DCLRE1C: variants seen among roughly 807,000 people sequenced by gnomAD.
DCLRE1C encodes DNA cross-link repair 1C, also known as protein artemis.
A neutral mutation model predicts 61.4 loss-of-function variants in DCLRE1C; 47 were observed. The observed-to-expected ratio is 0.77, with a 90% CI of 0.61 to 0.98. The LOEUF (loss-of-function observed/expected upper bound fraction) is 0.98. Among genes scored for constraint, DCLRE1C ranks in the 50% least tolerant of loss-of-function variants. The pLI, the probability that DCLRE1C is intolerant of heterozygous loss-of-function variation, is 0.00. For missense variants in DCLRE1C, 858 were observed against 816.0 expected, an observed-to-expected ratio of 1.05 and a Z score of -0.63; for synonymous variants, 337 against 287.6, an observed-to-expected ratio of 1.17 and a Z score of -1.74.
chr10:14,908,407 C>G lies in DCLRE1C; in HGVS notation c.*1G>C, dbSNP rs774453393. 2 of 1,612,020 alleles carry G rather than the reference C, an allele frequency of 1.2e-6. No individual in the cohort carries two copies. Among genetic ancestry groups the G allele is most frequent in the Non-Finnish European group, 1.7e-6 (2 of 1,178,596 alleles). ...GCTCTAGGTTGAAACGCTTTGAATT[C>G]TTAGGTATCTAAGAGTGAGCATTTT... On this transcript the variant is annotated 3_prime_UTR_variant, in exon 14 of 14. Coordinates refer to ENST00000378278, the MANE Select transcript of DCLRE1C (RefSeq NM_001033855.3).
Position 14,939,791 on chromosome 10 carries a change from A to G in DCLRE1C, c.306+19T>C, listed in dbSNP as rs772940815. The G allele has an allele frequency of 3.2e-6, 5 of 1,575,932 alleles. No homozygotes were observed. Among genetic ancestry groups the G allele is most frequent in the African/African-American group, 2.7e-5 (2 of 73,932 alleles). On this transcript the variant is annotated intron_variant, in intron 4 of 13. Transcript: ENST00000378278. ...GCACCACATTTTTTTAAAAAAATCAATATTTAATATTTAGTTACCTCTCCT... is the reference window on the plus strand; with the variant it reads ...GCACCACATTTTTTTAAAAAAATCAGTATTTAATATTTAGTTACCTCTCCT...
chr10:14,952,676 T>G (rs1355998138), intron 1 of DCLRE1C, among the ~76,000 whole-genome samples: 2 of 151,766 alleles, frequency 1.3e-5, no homozygotes, highest in African/African-American at 2.4e-5. Context: ...CACACTGTAC[T>G]CCAGCCTGGG....
intron 1 of DCLRE1C, among the ~76,000 whole-genome samples, chr10:14,949,331 T>C (rs1256930400): frequency 6.6e-6 from 1 of 152,200 alleles, no homozygotes; most frequent in Non-Finnish European, 1.5e-5. Flanking sequence ...CTGTGCATCA[T>C]AGGCCAGAGT....
intron 13 of DCLRE1C, among the ~76,000 whole-genome samples, chr10:14,918,083 C>T (rs1836502226): frequency 6.6e-6 from 1 of 151,622 alleles, no homozygotes; most frequent in Non-Finnish European, 1.5e-5. Context: ...ATGGTCAAAC[C>T]ACTTTGGAAA....
At position 14,945,183 on chromosome 10, in the gene DCLRE1C, C is replaced by G. The variant is rs1300011908; in HGVS notation, c.168G>C (p.Lys56Asn). ...TCACAGGTGAACAGTATAGATAAAC[C>G]TTCAAGCTGAAAGGAAAAAAGAAAA... ...TLKRRLECSL[K>N]VYLYCSPVTK... Residue 56 changes from lysine to asparagine, a missense_variant, in exon 3 of 14, where the codon AAG becomes AAC. Transcript: ENST00000378278. 1.2e-6 allele frequency: 2 copies of G among 1,612,162 alleles called. No individual in the cohort carries two copies. Among genetic ancestry groups the G allele is most frequent in the East Asian group, 2.2e-5 (1 of 44,794 alleles).
At chr10:14,898,712 T>A (rs1341180395) in exon 14 of DCLRE1C, 1 of 152,426 alleles carries the variant, frequency 6.6e-6, no homozygotes, top group Non-Finnish European at 1.5e-5. Context: ...GTCATAAAAC[T>A]TGTGTTCTTA....
At position 14,918,629 on chromosome 10, in the gene DCLRE1C, T is replaced by TAA. The variant is rs57588352; in HGVS notation, c.1156+1107_1156+1108dup. Among the ~76,000 whole-genome samples the TAA allele has an allele frequency of 7.5e-3, 1,045 of 138,616 alleles. 8 individuals carry two copies. The highest frequency in any genetic ancestry group is 0.025 in the African/African-American group (948 of 38,212). 90.9% of individuals were successfully genotyped at this position (138,616 alleles called of 152,430 possible). On this transcript the variant is annotated intron_variant, in intron 13 of 13. Coordinates refer to ENST00000378278, the MANE Select transcript of DCLRE1C (RefSeq NM_001033855.3). ...ATTATACCTCAGGAAAGCTGTTTTTTAAAAAAAAAAAAAAAGAAAAAAACC... is the reference window on the plus strand; with the variant it reads ...ATTATACCTCAGGAAAGCTGTTTTTTAAAAAAAAAAAAAAAAAGAAAAAAACC...
At chr10:14,903,100 A>C (rs2131730720), downstream of DCLRE1C, 1 of 152,372 alleles carries the variant, frequency 6.6e-6, no homozygotes, top group Admixed American at 6.5e-5. Flanking sequence ...TTTCAGCTTC[A>C]TTTCGTATTT....
At chr10:14,937,084 T>C (rs972093043) in intron 4 of DCLRE1C, among the ~76,000 whole-genome samples, 1 of 152,098 alleles carries the variant, frequency 6.6e-6, no homozygotes, top group African/African-American at 2.4e-5. Context: ...TCATATGAAA[T>C]ATCCGGAATA....
chr10:14,940,272 T>C lies in DCLRE1C; in HGVS notation c.247-403A>G, dbSNP rs41296976. Among the ~76,000 whole-genome samples, 1,481 of 148,480 alleles carry C rather than the reference T, an allele frequency of 1.0e-2. 20 individuals carry two copies. Among genetic ancestry groups the C allele is most frequent in the African/African-American group, 0.034 (1,362 of 40,414 alleles). Reference sequence around the variant, plus strand: ...CTGGATGGGTCTGTGACATGGATGCTTCATACACGGTTCTTTTATTTTTTT... The same window carrying C: ...CTGGATGGGTCTGTGACATGGATGCCTCATACACGGTTCTTTTATTTTTTT... On this transcript the variant is annotated intron_variant, in intron 3 of 13. Transcript: ENST00000378278.
rs147354259 is a variant in DCLRE1C, at chr10:14,941,365, A to G, written c.247-1496T>C. 8.3e-3 allele frequency among the ~76,000 whole-genome samples: 1,263 copies of G among 152,016 alleles called. 11 individuals carry two copies. The highest frequency in any genetic ancestry group is 0.013 in the Admixed American group (196 of 15,246). On this transcript the variant is annotated intron_variant, in intron 3 of 13. Coordinates refer to ENST00000378278, the MANE Select transcript of DCLRE1C (RefSeq NM_001033855.3). ...AGTGGCACAGTCACGGCTCACTATAACCTCAAACTTCGGGGCTCAAGTGAT... is the reference window on the plus strand; with the variant it reads ...AGTGGCACAGTCACGGCTCACTATAGCCTCAAACTTCGGGGCTCAAGTGAT...
At chr10:14,913,252 G>A (rs1267417446) in intron 13 of DCLRE1C, among the ~76,000 whole-genome samples, 3 of 152,268 alleles carry the variant, frequency 2.0e-5, no homozygotes, top group East Asian at 1.9e-4. Flanking sequence ...GTAATGGGGA[G>A]TGACTGGAAA....
chr10:14,946,818 A>G lies in DCLRE1C; in HGVS notation c.162-1629T>C, dbSNP rs144554324. 5.5e-3 allele frequency among the ~76,000 whole-genome samples: 830 copies of G among 152,096 alleles called. 3 individuals carry two copies. Among genetic ancestry groups the G allele is most frequent in the Middle Eastern group, 0.024 (7 of 294 alleles). The stretch of plus-strand genomic sequence containing the variant: ...TTTTCTGCAGAGATGAGGTCTCCCT[A>G]CGTTGCCCAGGTTGGTTTCAAACTC... On this transcript the variant is annotated intron_variant, in intron 2 of 13. Coordinates refer to ENST00000378278, the MANE Select transcript of DCLRE1C (RefSeq NM_001033855.3).
chr10:14,899,346 A>G (rs1489849260), intron 13 of DCLRE1C: 1 of 695,112 alleles, frequency 1.4e-6, no homozygotes, highest in South Asian at 1.6e-5. Flanking sequence ...AGTCTTTTGC[A>G]TTATCATTTT....
At chr10:14,952,253 G>A (rs1842558618) in intron 1 of DCLRE1C, among the ~76,000 whole-genome samples, 1 of 152,128 alleles carries the variant, frequency 6.6e-6, no homozygotes, top group Non-Finnish European at 1.5e-5. Flanking sequence ...AGTAAAAATA[G>A]GCATATCCTC....
chr10:14,909,788 A>G (rs1475866604), intron 13 of DCLRE1C, among the ~76,000 whole-genome samples: 9 of 133,110 alleles, frequency 6.8e-5, no homozygotes, highest in Non-Finnish European at 1.4e-4. Context: ...GGAAAATTAA[A>G]TTGCTTTTTA....
intron 8 of DCLRE1C, among the ~76,000 whole-genome samples, 197 bp from the exon 9 acceptor site, chr10:14,933,152 G>A (rs1839308600): frequency 6.6e-6 from 1 of 152,182 alleles, no homozygotes; most frequent in African/African-American, 2.4e-5. Flanking sequence ...GGCCAGGATC[G>A]CTGCCATCAC....
At chr10:14,898,198 G>GTTT (rs1833728015) in exon 14 of DCLRE1C, 3 of 64,378 alleles carry the variant, frequency 4.7e-5, no homozygotes, top group African/African-American at 2.1e-4. Flanking sequence ...AGGTAGTACT[G>GTTT]TTTCTTTTTT....
rs368317341 is a variant in DCLRE1C at position 14,939,803 on chromosome 10, T to C, written c.306+7A>G. 213 of 1,583,468 alleles carry C rather than the reference T, an allele frequency of 1.3e-4. No homozygotes were observed. The African/African-American group carries it at 2.6e-3, about 19-fold the overall frequency. ...TTTAAAAAAATCAATATTTAATATTTAGTTACCTCTCCTGATGCTTCATCC... is the reference window on the plus strand; with the variant it reads ...TTTAAAAAAATCAATATTTAATATTCAGTTACCTCTCCTGATGCTTCATCC... On this transcript the variant is annotated splice_region_variant and intron_variant, in intron 4 of 13. Coordinates refer to ENST00000378278, the MANE Select transcript of DCLRE1C (RefSeq NM_001033855.3).
Sources: gnomAD v4.1 joint callset for allele counts (sites outside exome capture counted in the v4.1 genomes callset) on GRCh38, gnomAD v4.1.1 for gene constraint, MANE v1.5 for transcripts, NCBI Gene and HGNC (gene_info 2026-07-23, HGNC 2026-07-21) for gene names.